TLN2: variants seen among roughly 807,000 people sequenced by gnomAD.
TLN2 encodes talin-2.
In TLN2, 118 loss-of-function variants were observed where a neutral mutation model predicts 294.7. The ratio of observed to expected loss-of-function variants is 0.40; its 90% confidence interval spans 0.34 to 0.47. TLN2 has a LOEUF of 0.47. Among genes scored for constraint, TLN2 ranks in the 20% least tolerant of loss-of-function variants. The probability of loss-of-function intolerance (pLI) is 0.84; values close to 1 mark genes in which losing one functional copy is unlikely to be tolerated. For missense variants in TLN2, 3,083 were observed against 3,282.2 expected (o/e 0.94, Z 1.48); for synonymous variants, 1,431 against 1,304.5 (o/e 1.10, Z -2.09).
At position 62,644,458 on chromosome 15, in the gene TLN2, A is replaced by G. The variant is rs570565017; in HGVS notation, c.-36-2817A>G. On this transcript the variant is annotated intron_variant, in intron 3 of 58. Coordinates refer to ENST00000636159, the MANE Select transcript of TLN2 (RefSeq NM_015059.3). ...GCCCCTCCCACCCAGTTCTCTCTCC[A>G]TCTTTGCGTTCAATTCTATATTCCA... The G allele has an allele frequency of 1.3e-3, 586 of 455,252 alleles. 3 individuals are homozygous for G. The highest frequency in any genetic ancestry group is 5.4e-3 in the South Asian group (346 of 64,496). The allele number at this position is 455,252 out of a possible 1,614,324, so 28.2% of individuals were successfully genotyped here.
chr15:62,812,041 A>ATAAATAAC (rs1266028936), intron 52 of TLN2, among the ~76,000 whole-genome samples: 3 of 151,584 alleles, frequency 2.0e-5, no homozygotes, highest in Admixed American at 1.3e-4. Flanking sequence ...AAATAAATAA[A>ATAAATAAC]TAAATAAATA....
chr15:62,419,263 CAT>C (rs769672945), intron 1 of TLN2, among the ~76,000 whole-genome samples: 93 of 152,292 alleles, frequency 6.1e-4, no homozygotes, highest in Admixed American at 9.8e-4. Context: ...AATAAGTTCA[CAT>C]GTTTCTTTTT....
intron 1 of TLN2, among the ~76,000 whole-genome samples, chr15:62,490,013 T>G (rs913441305): frequency 1.8e-4 from 28 of 152,228 alleles, no homozygotes; most frequent in African/African-American, 6.3e-4. Context: ...TCTGTGAGAT[T>G]GTGTTTATGT....
chr15:62,739,242 C>T, intron 30 of TLN2, 106 bp from the exon 31 acceptor site: 1 of 1,292,152 alleles, frequency 7.7e-7, no homozygotes, highest in Non-Finnish European at 1.1e-6. Flanking sequence ...ATCGTGATGA[C>T]TCAAATGCAT....
chr15:62,529,251 G>A (rs374521239), intron 1 of TLN2, among the ~76,000 whole-genome samples: 16 of 151,954 alleles, frequency 1.1e-4, no homozygotes, highest in African/African-American at 3.9e-4. Context: ...GCACCACCAT[G>A]CCCAGCTAAT....
At chr15:62,830,969 T>A (rs2068774574) in intron 54 of TLN2, 1 of 151,876 alleles carries the variant, frequency 6.6e-6, no homozygotes, top group Non-Finnish European at 1.5e-5. Flanking sequence ...TTACAACAGT[T>A]GCCATTACCA....
intron 55 of TLN2, chr15:62,835,393 T>A (rs2069403569): frequency 3.2e-6 from 1 of 312,828 alleles, no homozygotes; most frequent in Non-Finnish European, 6.0e-6. Context: ...CTCCCACATA[T>A]GAAATGGAGA....
chr15:62,731,251 G>A (rs1409116516), intron 28 of TLN2, among the ~76,000 whole-genome samples: 2 of 150,722 alleles, frequency 1.3e-5, no homozygotes, highest in Non-Finnish European at 2.9e-5. Flanking sequence ...CTAATATCTG[G>A]ATAGCCTGTA....
intron 9 of TLN2, among the ~76,000 whole-genome samples, chr15:62,662,837 T>TTTTA (rs1456271271): frequency 2.0e-5 from 3 of 148,006 alleles, no homozygotes; most frequent in Non-Finnish European, 4.5e-5. Context: ...TTTTTTTTTT[T>TTTTA]TTTGGAGACA....
At chr15:62,439,335 T>G (rs528640768) in intron 1 of TLN2, among the ~76,000 whole-genome samples, 1 of 152,198 alleles carries the variant, frequency 6.6e-6, no homozygotes, top group South Asian at 2.1e-4. Context: ...TTTTTTGAGA[T>G]GGAGTCTTGC....
At chr15:62,647,514 G>C in intron 4 of TLN2, 68 bp downstream of exon 4, 2 of 1,605,152 alleles carry the variant, frequency 1.2e-6, no homozygotes, top group Non-Finnish European at 1.7e-6. Flanking sequence ...TTGCTAAAGA[G>C]ACAGAGGCTC....
chr15:62,599,660 C>T (rs542796286), intron 2 of TLN2, among the ~76,000 whole-genome samples: 29 of 152,248 alleles, frequency 1.9e-4, no homozygotes, highest in Non-Finnish European at 3.1e-4. Context: ...GTTCTATATT[C>T]TTCAGTTTAT....
At chr15:62,542,976 C>T (rs1467763303) in intron 1 of TLN2, among the ~76,000 whole-genome samples, 1 of 152,148 alleles carries the variant, frequency 6.6e-6, no homozygotes, top group Non-Finnish European at 1.5e-5. Flanking sequence ...GGACTGGCTA[C>T]AGTGACTTGG....
intron 1 of TLN2, among the ~76,000 whole-genome samples, chr15:62,497,849 T>C (rs1253788341): frequency 1.3e-5 from 2 of 152,118 alleles, no homozygotes; most frequent in African/African-American, 2.4e-5. Context: ...TTTTATGTTA[T>C]ATAGCATTCT....
intron 1 of TLN2, among the ~76,000 whole-genome samples, chr15:62,524,283 C>T (rs1173283858): frequency 6.6e-6 from 1 of 152,168 alleles, no homozygotes; most frequent in East Asian, 1.9e-4. Flanking sequence ...CATCAGCTTT[C>T]ACAAAGCTGT....
chr15:62,813,654 G>A (rs907378501), intron 52 of TLN2, among the ~76,000 whole-genome samples: 2 of 152,100 alleles, frequency 1.3e-5, no homozygotes, highest in Non-Finnish European at 2.9e-5. Context: ...TATTGACAGG[G>A]CAAGGCAGAA....
At chr15:62,596,754 AAT>A (rs957428033) in intron 2 of TLN2, among the ~76,000 whole-genome samples, 3 of 151,428 alleles carry the variant, frequency 2.0e-5, no homozygotes, top group African/African-American at 4.9e-5. Flanking sequence ...AAAAAAAAAA[AAT>A]AATAATAACT....
rs750212041 is a variant in TLN2 at position 62,776,843 on chromosome 15, A to G, written c.5447A>G (p.Asn1816Ser). ...EAVDDIMVTLNEAASEVGLVG... is the reference protein window; with the variant it reads ...EAVDDIMVTLSEAASEVGLVG... ...GTGGATGACATCATGGTGACGCTGAACGAAGCTGCCAGTGAAGTGGGGCTG... is the reference window on the plus strand; with the variant it reads ...GTGGATGACATCATGGTGACGCTGAGCGAAGCTGCCAGTGAAGTGGGGCTG... The change falls in exon 43 of 59, where the codon AAC (asparagine) becomes AGC (serine). Residue 1816 changes from asparagine to serine, a missense_variant. Physicochemically the swap from Asn to Ser is conservative, Grantham distance 46 (BLOSUM62 1). Coordinates refer to ENST00000636159, the MANE Select transcript of TLN2 (RefSeq NM_015059.3). 1.3e-5 allele frequency: 21 copies of G among 1,602,134 alleles called. No individual in the cohort carries two copies. Among genetic ancestry groups the G allele is most frequent in the South Asian group, 2.2e-5 (2 of 89,640 alleles).
At chr15:62,588,254 A>G (rs1004079158) in intron 1 of TLN2, among the ~76,000 whole-genome samples, 2 of 152,186 alleles carry the variant, frequency 1.3e-5, no homozygotes, top group African/African-American at 4.8e-5. Context: ...TTTTTAAGAC[A>G]TGAAAAATTT....
Sources: allele counts gnomAD v4.1 joint callset (sites outside exome capture counted in the v4.1 genomes callset), GRCh38; gene constraint gnomAD v4.1.1; transcripts MANE v1.5; gene names NCBI Gene and HGNC (gene_info 2026-07-23, HGNC 2026-07-21).